Variants in IQGAP2 observed in about 807,000 individuals in gnomAD.
IQGAP2 encodes IQ motif containing GTPase activating protein 2, also known as ras GTPase-activating-like protein IQGAP2.
Under a neutral mutation model 201.3 loss-of-function variants are expected in IQGAP2, and 173 were observed. The ratio of observed to expected loss-of-function variants is 0.86; its 90% CI spans 0.76 to 0.98. IQGAP2 has a LOEUF of 0.98. Among genes scored for constraint, IQGAP2 ranks in the 50% least tolerant of loss-of-function variants. The probability of loss-of-function intolerance (pLI) is 0.00; values close to 1 mark genes in which losing one functional copy is unlikely to be tolerated. For missense variants in IQGAP2, 1,687 were observed against 1,864.8 expected, an observed-to-expected ratio of 0.90 and a Z score of 1.76; for synonymous variants, 675 against 673.9, an observed-to-expected ratio of 1.00 and a Z score of -0.03.
intron 13 of IQGAP2, among the ~76,000 whole-genome samples, chr5:76,626,993 A>T (rs1490332784): frequency 6.6e-6 from 1 of 151,894 alleles, no homozygotes; most frequent in Non-Finnish European, 1.5e-5. Context: ...GAGCCCCGCC[A>T]TCCCTGAGAA....
chr5:76,446,585 T>C (rs1753406071), intron 1 of IQGAP2, among the ~76,000 whole-genome samples: 1 of 152,208 alleles, frequency 6.6e-6, no homozygotes, highest in African/African-American at 2.4e-5. Context: ...GTGTTTCATC[T>C]AACCTCTCCT....
intron 2 of IQGAP2, among the ~76,000 whole-genome samples, chr5:76,492,558 A>C (rs1756620386): frequency 6.6e-6 from 1 of 152,220 alleles, no homozygotes; most frequent in African/African-American, 2.4e-5. Flanking sequence ...GAGGGAAGGA[A>C]GAAAGGAATC....
intron 2 of IQGAP2, among the ~76,000 whole-genome samples, chr5:76,472,843 G>A (rs1755187329): frequency 6.6e-6 from 1 of 152,228 alleles, no homozygotes; most frequent in African/African-American, 2.4e-5. Context: ...GATCTTCAAA[G>A]TTGGAAACCT....
At chr5:76,638,132 T>G (rs948081111) in intron 16 of IQGAP2, among the ~76,000 whole-genome samples, 1 of 152,238 alleles carries the variant, frequency 6.6e-6, no homozygotes, top group South Asian at 2.1e-4. Flanking sequence ...TTTTTGTTTC[T>G]CTTTTTGGGG....
At chr5:76,631,551 TGTTCGTGTGTATTCACCCC>T (rs1317284071) in intron 14 of IQGAP2, among the ~76,000 whole-genome samples, 3 of 152,202 alleles carry the variant, frequency 2.0e-5, no homozygotes, top group Non-Finnish European at 4.4e-5. Context: ...TACATATCTA[TGTTCGTGTGTATTCACCCC>T]ATTTCATAGA....
At chr5:76,440,994 G>A (rs982200471) in intron 1 of IQGAP2, among the ~76,000 whole-genome samples, 2 of 149,470 alleles carry the variant, frequency 1.3e-5, no homozygotes, top group African/African-American at 2.5e-5. Context: ...TCGTACCATT[G>A]CACTTCAGCC....
chr5:76,639,587 C>T (rs926885683), intron 16 of IQGAP2, among the ~76,000 whole-genome samples: 1 of 152,108 alleles, frequency 6.6e-6, no homozygotes, highest in Admixed American at 6.6e-5. Context: ...AGAGGAAATA[C>T]TGATGATAAT....
chr5:76,481,899 C>T (rs1755811999), intron 2 of IQGAP2, among the ~76,000 whole-genome samples: 1 of 152,106 alleles, frequency 6.6e-6, no homozygotes, highest in Admixed American at 6.6e-5. Flanking sequence ...TAGGGATCTT[C>T]TGATTATTCC....
In IQGAP2 at chr5:76,632,040, T is replaced by A. The variant is rs748658221; in HGVS notation, c.1780+14T>A. 6.3e-7 allele frequency: 1 copy of A among 1,588,418 alleles called. No individual in the cohort carries two copies. The highest frequency in any genetic ancestry group is 8.6e-7 in the Non-Finnish European group (1 of 1,167,524). ...AATCTGAAAGAGGTAAGTTGGTTTG[T>A]TACTTTAGCACAAACTAAGTATTTT... On this transcript the variant is annotated intron_variant, in intron 15 of 35. Coordinates refer to ENST00000274364, the MANE Select transcript of IQGAP2 (RefSeq NM_006633.5).
chr5:76,534,601 C>T lies in IQGAP2; in HGVS notation c.147-27795C>T, dbSNP rs78829830. Among the ~76,000 whole-genome samples, 56 of 152,172 alleles carry T rather than the reference C, an allele frequency of 3.7e-4. No individual in the cohort carries two copies. In the East Asian group the frequency reaches 0.01, roughly 28 times the overall value. ...AAAGTGAGCCTATGATTTATTTATC[C>T]TCATTAATACTTGTTTTCCCCAACC... On this transcript the variant is annotated intron_variant, in intron 2 of 35. Transcript: ENST00000274364.
At chr5:76,606,045 A>T in intron 11 of IQGAP2, 134 bp from the exon 12 acceptor site, 1 of 655,008 alleles carries the variant, frequency 1.5e-6, no homozygotes, top group East Asian at 2.9e-5. Flanking sequence ...GCTACACAAG[A>T]CAATTTTATT....
At chr5:76,595,957 A>G (rs572433690) in intron 9 of IQGAP2, among the ~76,000 whole-genome samples, 1 of 152,210 alleles carries the variant, frequency 6.6e-6, no homozygotes, top group Non-Finnish European at 1.5e-5. Flanking sequence ...CAAATACCAC[A>G]AACAACCACT....
intron 2 of IQGAP2, among the ~76,000 whole-genome samples, chr5:76,515,909 A>T (rs1758288437): frequency 1.8e-5 from 2 of 109,312 alleles, no homozygotes; most frequent in Admixed American, 1.3e-4. Context: ...ATAGAGTCTT[A>T]CTCTGTTACC....
chr5:76,526,883 A>T (rs1029276925), intron 2 of IQGAP2, among the ~76,000 whole-genome samples: 1 of 152,226 alleles, frequency 6.6e-6, no homozygotes, highest in East Asian at 1.9e-4. Flanking sequence ...ATATTTTATT[A>T]AGCACATGTA....
At position 76,570,642 on chromosome 5, in the gene IQGAP2, T is replaced by C. The variant is rs768651255; in HGVS notation, c.366T>C (p.Ser122=). The change falls in exon 4 of 36, where the codon TCT becomes TCC. Residue 122 remains serine, a synonymous_variant. Transcript: ENST00000274364. ...NTVQWLRAME[S]IGLPKIFYPE... ...TCCAGTGGTTAAGAGCGATGGAGTC[T>C]ATTGGTCTACCCAAGGTAAGCCTTC... The C allele has an allele frequency of 6.2e-7, 1 of 1,612,988 alleles. No homozygotes were observed. Among genetic ancestry groups the C allele is most frequent in the Admixed American group, 1.7e-5 (1 of 60,014 alleles).
intron 2 of IQGAP2, among the ~76,000 whole-genome samples, chr5:76,464,718 G>A (rs994646896): frequency 7.4e-4 from 113 of 152,104 alleles, no homozygotes; most frequent in African/African-American, 2.7e-3. Context: ...CCATTGAAAA[G>A]TTCTTTATTC....
At chr5:76,440,948 T>C (rs956461550) in intron 1 of IQGAP2, among the ~76,000 whole-genome samples, 2 of 151,878 alleles carry the variant, frequency 1.3e-5, no homozygotes, top group African/African-American at 4.8e-5. Flanking sequence ...GGAGAATTGC[T>C]TGAACCCAGG....
At chr5:76,611,517 G>C (rs1748412057) in intron 13 of IQGAP2, among the ~76,000 whole-genome samples, 1 of 152,192 alleles carries the variant, frequency 6.6e-6, no homozygotes, top group African/African-American at 2.4e-5. Context: ...TGGGGATACA[G>C]AGGGACACAT....
chr5:76,584,873 A>G (rs1746134774), intron 5 of IQGAP2, among the ~76,000 whole-genome samples: 1 of 152,240 alleles, frequency 6.6e-6, no homozygotes, highest in Non-Finnish European at 1.5e-5. Context: ...CATTAGATTC[A>G]CCAAACAGAA....
Sources: gnomAD v4.1 joint callset for allele counts (sites outside exome capture counted in the v4.1 genomes callset) on GRCh38, gnomAD v4.1.1 for gene constraint, MANE v1.5 for transcripts, NCBI Gene and HGNC (gene_info 2026-07-23, HGNC 2026-07-21) for gene names.